The following EYS variants were observed in gnomAD, a reference collection of about 807,000 sequenced individuals.
The protein encoded by EYS is EGF-like photoreceptor maintenance factor.
In EYS, 250 loss-of-function variants were observed where a neutral mutation model predicts 282.1. The observed-to-expected ratio is 0.89, with a 90% CI of 0.80 to 0.98. The LOEUF is 0.98. Ranked by LOEUF, EYS falls within the 50% of genes least tolerant of loss-of-function variation. The pLI is 0.00. For missense variants in EYS, 4,016 were observed against 3,709.0 expected, an observed-to-expected ratio of 1.08 and a Z score of -2.15; for synonymous variants, 1,355 against 1,282.9, an observed-to-expected ratio of 1.06 and a Z score of -1.20.
chr6:64,293,876 G>C (rs1301367523), intron 30 of EYS, among the ~76,000 whole-genome samples: 1 of 152,108 alleles, frequency 6.6e-6, no homozygotes, highest in African/African-American at 2.4e-5. Flanking sequence ...GAAGAAACTA[G>C]AGGTAGAATA....
Position 65,426,211 on chromosome 6 carries a change from T to G in EYS, c.863-20844A>C, listed in dbSNP as rs546712990. Among the ~76,000 whole-genome samples, 11 of 152,168 alleles carry G rather than the reference T, an allele frequency of 7.2e-5. No homozygotes were observed. In the South Asian group the frequency reaches 8.3e-4, roughly 11 times the overall value. On this transcript the variant is annotated intron_variant, in intron 5 of 42. Transcript: ENST00000503581. ...TTAGGCTGGTTTCAAACTTACGGCCTCAAGGGATCCTACCTTGGCCTCCTA... is the reference window on the plus strand; with the variant it reads ...TTAGGCTGGTTTCAAACTTACGGCCGCAAGGGATCCTACCTTGGCCTCCTA...
chr6:65,245,152 G>A (rs1163920669), intron 12 of EYS, among the ~76,000 whole-genome samples: 1 of 152,074 alleles, frequency 6.6e-6, no homozygotes, highest in African/African-American at 2.4e-5. Context: ...TATTACATAT[G>A]GTGTTGCTAA....
chr6:64,855,466 A>G (rs980651185), intron 19 of EYS, among the ~76,000 whole-genome samples: 1 of 151,832 alleles, frequency 6.6e-6, no homozygotes, highest in Non-Finnish European at 1.5e-5. Context: ...TTTTGTATTG[A>G]GTATACTATT....
intron 30 of EYS, among the ~76,000 whole-genome samples, chr6:64,280,491 A>G (rs1300408488): frequency 6.6e-6 from 1 of 152,180 alleles, no homozygotes; most frequent in African/African-American, 2.4e-5. Context: ...GACTTCATTC[A>G]TAACTGCAAA....
chr6:63,913,029 T>TTA (rs1217413897), intron 35 of EYS, among the ~76,000 whole-genome samples: 1 of 152,194 alleles, frequency 6.6e-6, no homozygotes, highest in Non-Finnish European at 1.5e-5. Context: ...ATTTAACTCT[T>TTA]TAGGGTTTCT....
chr6:65,498,697 A>G (rs559258067), intron 2 of EYS, among the ~76,000 whole-genome samples: 2 of 152,160 alleles, frequency 1.3e-5, no homozygotes, highest in South Asian at 2.1e-4. Flanking sequence ...TATTAAGTCA[A>G]TGTATATCTA....
In EYS at chr6:63,984,477, T is replaced by G. The variant is rs149823162; in HGVS notation, c.6961A>C (p.Ile2321Leu). ...TTTCCATGTCGTGCTTCATCGATGA[T>G]GAAGAATTCTTTGTTGTTTACTTGA... ...DLQVNNKEFF[I>L]IDEARHGKNI... Residue 2321 changes from isoleucine (I) to leucine (L), a missense_variant, in exon 35 of 43, where the codon ATC (isoleucine) becomes CTC (leucine). Physicochemically the swap from Ile to Leu is conservative, Grantham distance 5 (BLOSUM62 2). Transcript: ENST00000503581. 1.2e-4 allele frequency: 179 copies of G among 1,549,694 alleles called. No homozygotes were observed. Among genetic ancestry groups the G allele is most frequent in the Middle Eastern group, 1.0e-3 (6 of 5,974 alleles).
intron 9 of EYS, among the ~76,000 whole-genome samples, chr6:65,350,548 G>A (rs1401586842): frequency 6.6e-6 from 1 of 151,420 alleles, no homozygotes; most frequent in Non-Finnish European, 1.5e-5. Flanking sequence ...CTGAAATAAC[G>A]ACATGCTTCA....
chr6:63,882,689 T>C (rs1773164045), intron 35 of EYS, among the ~76,000 whole-genome samples: 1 of 152,148 alleles, frequency 6.6e-6, no homozygotes, highest in Non-Finnish European at 1.5e-5. Context: ...ATTGGTGCTA[T>C]GGGAGAGCAC....
At chr6:63,816,271 C>G (rs1771175819) in intron 36 of EYS, among the ~76,000 whole-genome samples, 1 of 151,920 alleles carries the variant, frequency 6.6e-6, no homozygotes, top group Middle Eastern at 3.2e-3. Context: ...TGAGCAGGTG[C>G]CTATCTCAAA....
chr6:63,950,751 C>T (rs987469931), intron 35 of EYS, among the ~76,000 whole-genome samples: 1 of 152,172 alleles, frequency 6.6e-6, no homozygotes, highest in Non-Finnish European at 1.5e-5. Flanking sequence ...TAAGTGATCT[C>T]TTTTTACTCT....
chr6:64,410,481 A>G (rs1228690940), intron 28 of EYS, among the ~76,000 whole-genome samples: 1 of 152,130 alleles, frequency 6.6e-6, no homozygotes, highest in Admixed American at 6.6e-5. Context: ...CTCTAAGGGG[A>G]AAAGATGGCT....
intron 41 of EYS, among the ~76,000 whole-genome samples, chr6:63,745,267 G>C (rs1041079110): frequency 6.6e-6 from 1 of 152,150 alleles, no homozygotes; most frequent in African/African-American, 2.4e-5. Context: ...CAGTGAAAGG[G>C]TGAATTAGAA....
intron 31 of EYS, among the ~76,000 whole-genome samples, chr6:64,110,349 T>A (rs1402952094): frequency 1.3e-5 from 2 of 152,036 alleles, no homozygotes; most frequent in African/African-American, 2.4e-5. Context: ...CACATTGACC[T>A]TTAATGATAC....
chr6:63,993,202 A>C (rs998181512), intron 34 of EYS, among the ~76,000 whole-genome samples: 1 of 151,852 alleles, frequency 6.6e-6, no homozygotes, highest in African/African-American at 2.4e-5. Flanking sequence ...AATACATATC[A>C]TACTCAATGG....
intron 40 of EYS, among the ~76,000 whole-genome samples, chr6:63,769,591 T>G (rs1264788129): frequency 1.3e-5 from 2 of 152,078 alleles, no homozygotes; most frequent in African/African-American, 4.8e-5. Context: ...TGTTAAACAC[T>G]TTGGAAATGT....
intron 31 of EYS, among the ~76,000 whole-genome samples, chr6:64,136,597 A>T (rs1255219025): frequency 6.6e-6 from 1 of 152,132 alleles, no homozygotes; most frequent in African/African-American, 2.4e-5. Context: ...ATTGTCAGGC[A>T]TGAAAAAAAA....
In EYS at chr6:64,538,830, C is replaced by T. The variant is rs79865766; in HGVS notation, c.5644+51393G>A. ...TTCCCATTATCAAATGGCTAGTAAG[C>T]GTAGAACTAGGATTATAAAACAGAT... On this transcript the variant is annotated intron_variant, in intron 26 of 42. Coordinates refer to ENST00000503581, the MANE Select transcript of EYS (RefSeq NM_001142800.2). 9.5e-3 allele frequency among the ~76,000 whole-genome samples: 1,449 copies of T among 152,152 alleles called. 25 individuals carry two copies. Among genetic ancestry groups the T allele is most frequent in the African/African-American group, 0.03 (1,256 of 41,516 alleles).
chr6:65,659,877 C>T (rs531863927), intron 1 of EYS, among the ~76,000 whole-genome samples: 1 of 151,542 alleles, frequency 6.6e-6, no homozygotes, highest in Non-Finnish European at 1.5e-5. Flanking sequence ...AAGGTTATGG[C>T]TAATCAAATT....
Sources: gnomAD v4.1 joint callset for allele counts (sites outside exome capture counted in the v4.1 genomes callset) on GRCh38, gnomAD v4.1.1 for gene constraint, MANE v1.5 for transcripts, NCBI Gene and HGNC (gene_info 2026-07-23, HGNC 2026-07-21) for gene names.